ARHGAP18: variants seen among roughly 807,000 people sequenced by gnomAD.
ARHGAP18 encodes the protein rho GTPase-activating protein 18.
Under a neutral mutation model 86.2 loss-of-function variants are expected in ARHGAP18, and 67 were observed. The observed-to-expected ratio is 0.78, with a 90% CI of 0.64 to 0.95. The LOEUF is 0.95. Among genes scored for constraint, ARHGAP18 ranks in the 40% least tolerant of loss-of-function variants. ARHGAP18 has a pLI of 0.00. For synonymous variants in ARHGAP18, 283 were observed against 280.4 expected (o/e 1.01, Z -0.09); for missense variants, 691 against 780.4 (o/e 0.89, Z 1.37).
intron 1 of ARHGAP18, among the ~76,000 whole-genome samples, chr6:129,705,328 TAA>T (rs1267989119): frequency 3.9e-5 from 6 of 152,152 alleles, no homozygotes; most frequent in Non-Finnish European, 8.8e-5. Context: ...TAGTAGTTCT[TAA>T]AGCAGAGGAA....
At chr6:129,628,498 G>T (rs576614672) in intron 5 of ARHGAP18, among the ~76,000 whole-genome samples, 2 of 152,142 alleles carry the variant, frequency 1.3e-5, no homozygotes, top group Admixed American at 1.3e-4. Flanking sequence ...ATTGCACATA[G>T]GAAAGGTATC....
chr6:129,674,936 T>A (rs1173393521), intron 1 of ARHGAP18, among the ~76,000 whole-genome samples: 1 of 152,164 alleles, frequency 6.6e-6, no homozygotes, highest in African/African-American at 2.4e-5. Context: ...AGGTGTCGCC[T>A]CCATTCTTCA....
intron 1 of ARHGAP18, among the ~76,000 whole-genome samples, chr6:129,688,114 C>T (rs961186539): frequency 8.5e-5 from 13 of 152,182 alleles, no homozygotes; most frequent in Non-Finnish European, 1.6e-4. Context: ...TAAGACTTTC[C>T]ACAAAGTGGC....
intron 10 of ARHGAP18, among the ~76,000 whole-genome samples, chr6:129,602,201 A>C (rs1468416972): frequency 6.6e-6 from 1 of 152,180 alleles, no homozygotes; most frequent in African/African-American, 2.4e-5. Flanking sequence ...CAGTTTATGA[A>C]GCACGATAGA....
intron 2 of ARHGAP18, 117 bp from the exon 3 acceptor site, chr6:129,638,746 G>A (rs1393373271): frequency 3.3e-6 from 3 of 908,396 alleles, no homozygotes; most frequent in Non-Finnish European, 5.0e-6. Flanking sequence ...ACAGTGCTAA[G>A]AATCATTATC....
intron 1 of ARHGAP18, among the ~76,000 whole-genome samples, chr6:129,683,544 C>T (rs531594593): frequency 3.9e-5 from 6 of 152,142 alleles, no homozygotes; most frequent in South Asian, 2.1e-4. Context: ...AATTCATTTA[C>T]GTATAAACAA....
intron 5 of ARHGAP18, among the ~76,000 whole-genome samples, chr6:129,625,597 A>G (rs1176256104): frequency 1.5e-5 from 1 of 64,734 alleles, no homozygotes; most frequent in African/African-American, 5.8e-5. Context: ...ATATATTTAT[A>G]TATTATATAT....
At chr6:129,608,365 C>T (rs1432408341) in intron 8 of ARHGAP18, among the ~76,000 whole-genome samples, 3 of 151,884 alleles carry the variant, frequency 2.0e-5, no homozygotes, top group Non-Finnish European at 2.9e-5. Context: ...AATAATTGTT[C>T]CATTTGGGGG....
At chr6:129,707,960 C>T (rs1017291802) in intron 1 of ARHGAP18, among the ~76,000 whole-genome samples, 24 of 152,030 alleles carry the variant, frequency 1.6e-4, no homozygotes, top group African/African-American at 5.8e-4. Context: ...TCCAGTTCAC[C>T]GCCCCGAAAC....
chr6:129,621,322 C>G (rs73776330), intron 5 of ARHGAP18, among the ~76,000 whole-genome samples: 1,719 of 152,270 alleles, frequency 0.011, 20 homozygotes, highest in East Asian at 0.043. Context: ...CAAAAGAGAG[C>G]CTTCAAGTCC....
intron 1 of ARHGAP18, among the ~76,000 whole-genome samples, chr6:129,708,211 G>A (rs748129939): frequency 1.7e-4 from 26 of 152,052 alleles, no homozygotes; most frequent in African/African-American, 2.7e-4. Flanking sequence ...CATCTTCTCC[G>A]GTCAATATCA....
chr6:129,652,488 T>C (rs926247690), intron 1 of ARHGAP18, among the ~76,000 whole-genome samples: 2 of 152,238 alleles, frequency 1.3e-5, no homozygotes, highest in Non-Finnish European at 2.9e-5. Flanking sequence ...GATTCACTAG[T>C]GAAGATTAAA....
chr6:129,683,604 G>A (rs529038143), intron 1 of ARHGAP18, among the ~76,000 whole-genome samples: 171 of 152,198 alleles, frequency 1.1e-3, no homozygotes, highest in African/African-American at 3.7e-3. Context: ...ATTACAGAGC[G>A]GAATGATAAC....
intron 1 of ARHGAP18, among the ~76,000 whole-genome samples, chr6:129,676,168 C>T (rs939131614): frequency 2.6e-5 from 4 of 152,182 alleles, no homozygotes; most frequent in East Asian, 1.9e-4. Flanking sequence ...ACTGGCCAAG[C>T]TTCCTCACAT....
At chr6:129,656,510 A>G (rs4602735) in intron 1 of ARHGAP18, among the ~76,000 whole-genome samples, 70,580 of 151,832 alleles carry the variant, frequency 0.46, 17,314 homozygotes, top group African/African-American at 0.63. Context: ...GCATGGTGGT[A>G]CGCGCCTATA....
At chr6:129,685,682 C>A (rs1774411144) in intron 1 of ARHGAP18, among the ~76,000 whole-genome samples, 3 of 152,114 alleles carry the variant, frequency 2.0e-5, no homozygotes, top group Admixed American at 6.5e-5. Flanking sequence ...GACTTAAATG[C>A]AACCATTAAA....
intron 1 of ARHGAP18, among the ~76,000 whole-genome samples, chr6:129,708,635 T>C (rs909805333): frequency 6.6e-6 from 1 of 152,172 alleles, no homozygotes; most frequent in Non-Finnish European, 1.5e-5. Context: ...AAGATTCAGC[T>C]CAGGTCCTCA....
At chr6:129,673,837 A>G (rs1774182619) in intron 1 of ARHGAP18, among the ~76,000 whole-genome samples, 1 of 152,192 alleles carries the variant, frequency 6.6e-6, no homozygotes, top group Non-Finnish European at 1.5e-5. Context: ...TACAACTGCA[A>G]TGCAGAAAAG....
intron 1 of ARHGAP18, among the ~76,000 whole-genome samples, chr6:129,667,503 G>GTGTGTGTGTGTGTGTGTGTGTA (rs548429421): frequency 6.9e-6 from 1 of 145,288 alleles, no homozygotes; most frequent in African/African-American, 2.6e-5. Context: ...GTGTGTGTGT[G>GTGTGTGTGTGTGTGTGTGTGTA]TGTTGTGTAT....
Sources: allele counts gnomAD v4.1 joint callset (sites outside exome capture counted in the v4.1 genomes callset), GRCh38; gene constraint gnomAD v4.1.1; transcripts MANE v1.5; gene names NCBI Gene and HGNC (gene_info 2026-07-23, HGNC 2026-07-21).